Variants in TUBGCP3 observed in about 807,000 individuals in gnomAD.
The protein encoded by TUBGCP3 is tubulin gamma complex component 3.
In TUBGCP3, 50 loss-of-function variants were observed where a neutral mutation model predicts 123.1. The ratio of observed to expected loss-of-function variants is 0.41; its 90% CI spans 0.32 to 0.51. The LOEUF (loss-of-function observed/expected upper bound fraction) is 0.51, where lower values mean the gene tolerates loss of function less well. Among genes scored for constraint, TUBGCP3 ranks in the 20% least tolerant of loss-of-function variants. The probability of loss-of-function intolerance (pLI) is 0.36; values close to 1 mark genes in which losing one functional copy is unlikely to be tolerated. For missense variants in TUBGCP3, 882 were observed against 1,127.0 expected, an observed-to-expected ratio of 0.78 and a Z score of 3.11; for synonymous variants, 405 against 413.9, an observed-to-expected ratio of 0.98 and a Z score of 0.26.
At chr13:112,550,998 C>G (rs1045116015) in intron 8 of TUBGCP3, among the ~76,000 whole-genome samples, 33 of 151,988 alleles carry the variant, frequency 2.2e-4, no homozygotes, top group Non-Finnish European at 7.4e-5. Flanking sequence ...ACTCGGGAGG[C>G]TGAGGAAGGA....
At chr13:112,532,070 T>C (rs1003601343) in intron 11 of TUBGCP3, among the ~76,000 whole-genome samples, 2 of 152,108 alleles carry the variant, frequency 1.3e-5, no homozygotes, top group Non-Finnish European at 2.9e-5. Context: ...ATACAGACCA[T>C]AAAAAATTCC....
intron 20 of TUBGCP3, 157 bp downstream of exon 20, chr13:112,498,888 C>A (rs1734998324): frequency 1.2e-6 from 2 of 1,613,188 alleles, no homozygotes; most frequent in Non-Finnish European, 1.7e-6. Flanking sequence ...CTCTTTACAA[C>A]TGTCAGTGAT....
chr13:112,551,472 C>T (rs1879583864), intron 8 of TUBGCP3, among the ~76,000 whole-genome samples: 1 of 152,172 alleles, frequency 6.6e-6, no homozygotes. Flanking sequence ...TTAGGGCACA[C>T]GGTCACCCCA....
At position 112,548,127 on chromosome 13, in the gene TUBGCP3, A is replaced by T; in HGVS notation, c.1016T>A (p.Leu339His). The T allele has an allele frequency of 6.2e-7, 1 of 1,602,380 alleles. No individual in the cohort carries two copies. Among genetic ancestry groups the T allele is most frequent in the Non-Finnish European group, 8.5e-7 (1 of 1,173,362 alleles). The change falls in exon 9 of 22, where the codon CTC (leucine) becomes CAC (histidine). Residue 339 changes from leucine (L) to histidine (H), a missense_variant. Physicochemically the swap from Leu to His is moderately conservative, Grantham distance 99 (BLOSUM62 -3). Coordinates refer to ENST00000261965, the MANE Select transcript of TUBGCP3 (RefSeq NM_006322.6). ...HQELREYYRL[L>H]SVLHSQLQLE... ...ATTTACCTGAGAATGTAAAACAGAG[A>T]GCAATCGATAGTATTCTCTGAGTTC...
At chr13:112,549,869 G>A (rs1207321704) in intron 8 of TUBGCP3, among the ~76,000 whole-genome samples, 6 of 151,752 alleles carry the variant, frequency 4.0e-5, no homozygotes, top group Non-Finnish European at 7.4e-5. Flanking sequence ...GGGTGCCTGT[G>A]GTCCCAGCTA....
intron 1 of TUBGCP3, 125 bp from the exon 2 acceptor site, chr13:112,569,384 T>G (rs921131835): frequency 1.4e-6 from 1 of 721,876 alleles, no homozygotes; most frequent in Admixed American, 2.8e-5. Context: ...AGGTCTTAAC[T>G]GAGAGGACAG....
At chr13:112,556,825 A>G (rs1880087516) in intron 5 of TUBGCP3, among the ~76,000 whole-genome samples, 1 of 152,250 alleles carries the variant, frequency 6.6e-6, no homozygotes, top group East Asian at 1.9e-4. Context: ...AGACTATGTC[A>G]AAGTTGTTTT....
the TUBGCP3 span, among the ~76,000 whole-genome samples, chr13:112,598,317 A>G: frequency 6.6e-6 from 1 of 151,608 alleles, no homozygotes. Flanking sequence ...CATTTCCTTC[A>G]GGCAGAAGAA....
In TUBGCP3 at chr13:112,558,428, A is replaced by T; in HGVS notation, c.331-15T>A. ...TAGCTAGAAACCTGAAAAGAGAAAC[A>T]CACTAAGAGCAGAGACAGGAAATTA... On this transcript the variant is annotated splice_polypyrimidine_tract_variant and intron_variant, in intron 4 of 21. Coordinates refer to ENST00000261965, the MANE Select transcript of TUBGCP3 (RefSeq NM_006322.6). 1 of 1,527,108 alleles carries T rather than the reference A, an allele frequency of 6.5e-7. No homozygotes were observed. The highest frequency in any genetic ancestry group is 8.9e-7 in the Non-Finnish European group (1 of 1,126,908). 94.6% of individuals were successfully genotyped at this position (1,527,108 alleles called of 1,614,324 possible).
intron 20 of TUBGCP3, among the ~76,000 whole-genome samples, chr13:112,493,407 G>C (rs1439266911): frequency 2.0e-5 from 3 of 148,352 alleles, no homozygotes; most frequent in African/African-American, 7.5e-5. Flanking sequence ...ACGTGGCCTG[G>C]TGTCCCTGAG....
intron 3 of TUBGCP3, 83 bp downstream of exon 3, chr13:112,565,028 C>A: frequency 2.5e-6 from 3 of 1,212,728 alleles, no homozygotes; most frequent in East Asian, 2.6e-5. Context: ...AATATGATAC[C>A]ACAAAAAACA....
intron 3 of TUBGCP3, 54 bp downstream of exon 3, chr13:112,565,057 A>G: frequency 1.4e-6 from 2 of 1,480,452 alleles, no homozygotes; most frequent in Non-Finnish European, 1.9e-6. Context: ...TTCCTATACC[A>G]CTCATCATAT....
At chr13:112,542,926 T>C (rs992465757) in intron 11 of TUBGCP3, among the ~76,000 whole-genome samples, 6 of 152,294 alleles carry the variant, frequency 3.9e-5, no homozygotes, top group South Asian at 2.1e-4. Flanking sequence ...GGTGGGCGGA[T>C]TGCCTGAGCT....
At chr13:112,522,199 TA>T in intron 14 of TUBGCP3, 120 bp downstream of exon 14, 2 of 993,632 alleles carry the variant, frequency 2.0e-6, no homozygotes, top group Non-Finnish European at 2.8e-6. Context: ...GATTTTATTT[TA>T]AAAAGTATGC....
At chr13:112,593,796 G>C in the TUBGCP3 span, among the ~76,000 whole-genome samples, 1 of 152,076 alleles carries the variant, frequency 6.6e-6, no homozygotes, top group Non-Finnish European at 1.5e-5. Flanking sequence ...AGATTTGCTA[G>C]ACTGGACAAG....
At chr13:112,586,983 C>T (rs1207750011) in intron 1 of TUBGCP3, among the ~76,000 whole-genome samples, 1 of 152,196 alleles carries the variant, frequency 6.6e-6, no homozygotes, top group Admixed American at 6.5e-5. Context: ...TGTCATGAAG[C>T]ATGAAAGGTC....
chr13:112,490,699 T>A (rs9577771), intron 20 of TUBGCP3, among the ~76,000 whole-genome samples: 23,725 of 152,258 alleles, frequency 0.16, 2,091 homozygotes, highest in Non-Finnish European at 0.2. Flanking sequence ...GATTTCTCCA[T>A]CAATATTTAC....
Position 112,545,063 on chromosome 13 carries a change from T to C in TUBGCP3, c.1335+636A>G, listed in dbSNP as rs1878875494. On this transcript the variant is annotated intron_variant, in intron 11 of 21. Transcript: ENST00000261965. This position sits in a 1 kb window ranked among gnomAD's most constrained non-coding sequence, Gnocchi z 4.1. ...ACTCCCACAAGAAAGCGCCAGGGTT[T>C]TTCCAAGGCCAATGTGATATTTATG... 1 of 152,394 alleles carries C rather than the reference T, an allele frequency of 6.6e-6. No individual in the cohort carries two copies. The highest frequency in any genetic ancestry group is 1.5e-5 in the Non-Finnish European group (1 of 68,156). The allele number at this position is 152,394 out of a possible 1,614,324, so 9.4% of individuals were successfully genotyped here.
At chr13:112,516,187 G>A (rs1566545339) in intron 17 of TUBGCP3, among the ~76,000 whole-genome samples, 1 of 152,164 alleles carries the variant, frequency 6.6e-6, no homozygotes, top group Non-Finnish European at 1.5e-5. Flanking sequence ...TTAAAACACT[G>A]TATGGATTTT....
Sources: gnomAD v4.1 joint callset for allele counts (sites outside exome capture counted in the v4.1 genomes callset) on GRCh38, gnomAD v4.1.1 for gene constraint, Gnocchi (gnomAD v3.1) non-coding constraint, MANE v1.5 for transcripts, NCBI Gene and HGNC (gene_info 2026-07-23, HGNC 2026-07-21) for gene names.